Variants in ZCCHC7 observed in about 807,000 individuals in gnomAD.
ZCCHC7 encodes the protein zinc finger CCHC domain-containing protein 7.
ZCCHC7 carries 35 observed loss-of-function variants against 52.0 expected under a neutral mutation model. That is an observed-to-expected ratio of 0.67 (90% CI 0.51 to 0.89). The LOEUF (loss-of-function observed/expected upper bound fraction) is 0.89. Among genes scored for constraint, ZCCHC7 ranks in the 40% least tolerant of loss-of-function variants. The pLI is 0.00. For missense variants in ZCCHC7, 574 were observed against 649.1 expected (o/e 0.88, Z 1.26); for synonymous variants, 217 against 221.5 (o/e 0.98, Z 0.18).
intron 2 of ZCCHC7, among the ~76,000 whole-genome samples, chr9:37,135,001 A>G (rs1012929966): frequency 5.9e-5 from 9 of 152,220 alleles, no homozygotes; most frequent in African/African-American, 2.2e-4. Context: ...TGCTAGGATT[A>G]CAGGCATGAG....
At chr9:37,125,213 G>C (rs961832579) in intron 1 of ZCCHC7, among the ~76,000 whole-genome samples, 1 of 152,156 alleles carries the variant, frequency 6.6e-6, no homozygotes, top group Non-Finnish European at 1.5e-5. Context: ...ACAATGGTAT[G>C]AGCATAGCTC....
At chr9:37,193,713 GTT>G (rs1485483680) in intron 2 of ZCCHC7, among the ~76,000 whole-genome samples, 1 of 152,104 alleles carries the variant, frequency 6.6e-6, no homozygotes, top group Non-Finnish European at 1.5e-5. Context: ...AATTAATGCA[GTT>G]TATATGCAGT....
chr9:37,296,731 T>G (rs1255280334), intron 2 of ZCCHC7, among the ~76,000 whole-genome samples: 1 of 152,214 alleles, frequency 6.6e-6, no homozygotes, highest in Non-Finnish European at 1.5e-5. Flanking sequence ...AAGGTTGTCA[T>G]GCGCTGTCAT....
intron 2 of ZCCHC7, among the ~76,000 whole-genome samples, chr9:37,137,940 ATACT>A (rs1843067337): frequency 6.6e-6 from 1 of 152,140 alleles, no homozygotes; most frequent in Non-Finnish European, 1.5e-5. Flanking sequence ...GCCATGTGAC[ATACT>A]TCTCATTAAT....
chr9:37,288,626 C>T (rs1452224405), intron 2 of ZCCHC7, among the ~76,000 whole-genome samples: 1 of 152,156 alleles, frequency 6.6e-6, no homozygotes, highest in Non-Finnish European at 1.5e-5. Flanking sequence ...CCAAACTTCT[C>T]TTAATAGGAT....
intron 6 of ZCCHC7, among the ~76,000 whole-genome samples, chr9:37,338,533 A>G (rs1782597363): frequency 6.6e-6 from 1 of 152,158 alleles, no homozygotes; most frequent in African/African-American, 2.4e-5. Flanking sequence ...ATTTCAGTGT[A>G]TCCAAAAGAG....
chr9:37,278,283 A>G (rs895061687), intron 2 of ZCCHC7, among the ~76,000 whole-genome samples: 4 of 152,192 alleles, frequency 2.6e-5, no homozygotes, highest in Admixed American at 6.5e-5. Flanking sequence ...AAAATGGCAT[A>G]CAATAAAATA....
intron 6 of ZCCHC7, among the ~76,000 whole-genome samples, chr9:37,342,683 G>C (rs1433884170): frequency 6.6e-6 from 1 of 152,156 alleles, no homozygotes; most frequent in Non-Finnish European, 1.5e-5. Context: ...TGATCACCTG[G>C]TCAGGTTTTA....
intron 2 of ZCCHC7, among the ~76,000 whole-genome samples, chr9:37,290,636 A>C (rs2133625694): frequency 6.6e-6 from 1 of 152,228 alleles, no homozygotes; most frequent in Non-Finnish European, 1.5e-5. Flanking sequence ...CTCCAGCCAG[A>C]GCGACAGAGT....
intron 2 of ZCCHC7, among the ~76,000 whole-genome samples, chr9:37,267,386 C>T (rs1189043856): frequency 1.3e-5 from 2 of 151,818 alleles, no homozygotes; most frequent in Non-Finnish European, 2.9e-5. Context: ...ATCTCTGTCT[C>T]CCATTTGGTG....
Position 37,191,528 on chromosome 9 carries a change from T to C in ZCCHC7, c.610+64586T>C, listed in dbSNP as rs542296534. ...ACTAAAATGGTGGATAGGATTTATG[T>C]AGGGGTGCTGCTCTGAGAGTTTGAA... On this transcript the variant is annotated intron_variant, in intron 2 of 8. Coordinates refer to ENST00000336755, the MANE Select transcript of ZCCHC7 (RefSeq NM_032226.3). Among the ~76,000 whole-genome samples the C allele has an allele frequency of 2.0e-5, 3 of 152,328 alleles. No homozygotes were observed. In the East Asian group the frequency reaches 5.8e-4, roughly 29 times the overall value.
Position 37,339,832 on chromosome 9 carries a change from A to G in ZCCHC7, c.988-9525A>G, listed in dbSNP as rs542357804. Among the ~76,000 whole-genome samples, 228 of 152,342 alleles carry G rather than the reference A, an allele frequency of 1.5e-3. 1 individual carries two copies. The highest frequency in any genetic ancestry group is 2.6e-3 in the Non-Finnish European group (176 of 68,026). ...AAATACCCTTTAATTAGTGAAATTGATTACATATCGTATATAGTAATGAGC... is the reference window on the plus strand; with the variant it reads ...AAATACCCTTTAATTAGTGAAATTGGTTACATATCGTATATAGTAATGAGC... On this transcript the variant is annotated intron_variant, in intron 6 of 8. Coordinates refer to ENST00000336755, the MANE Select transcript of ZCCHC7 (RefSeq NM_032226.3).
intron 2 of ZCCHC7, among the ~76,000 whole-genome samples, chr9:37,190,990 C>T (rs2133104006): frequency 6.6e-6 from 1 of 151,644 alleles, no homozygotes; most frequent in African/African-American, 2.4e-5. Context: ...CCATTGCACT[C>T]CAGCCTGGGC....
intron 6 of ZCCHC7, among the ~76,000 whole-genome samples, chr9:37,344,120 C>T (rs1007314365): frequency 6.6e-6 from 1 of 152,094 alleles, no homozygotes; most frequent in Admixed American, 6.5e-5. Flanking sequence ...CGAGACCAGC[C>T]TCAGCAGCAT....
At chr9:37,286,166 T>C (rs1013285263) in intron 2 of ZCCHC7, among the ~76,000 whole-genome samples, 2 of 152,200 alleles carry the variant, frequency 1.3e-5, no homozygotes, top group Non-Finnish European at 2.9e-5. Context: ...AATAAAATAA[T>C]TTAGGGAGAT....
intron 2 of ZCCHC7, among the ~76,000 whole-genome samples, chr9:37,133,035 G>A (rs1842857874): frequency 1.3e-5 from 2 of 152,222 alleles, no homozygotes; most frequent in Admixed American, 1.3e-4. Context: ...CTCAGAGGCT[G>A]AGGCAGGAGA....
At chr9:37,247,120 T>G (rs527337455) in intron 2 of ZCCHC7, among the ~76,000 whole-genome samples, 1 of 152,330 alleles carries the variant, frequency 6.6e-6, no homozygotes, top group East Asian at 1.9e-4. Context: ...ACCATTTTAT[T>G]CTCTACTTCT....
At chr9:37,143,744 T>C (rs1032000688) in intron 2 of ZCCHC7, among the ~76,000 whole-genome samples, 8 of 151,856 alleles carry the variant, frequency 5.3e-5, no homozygotes, top group Non-Finnish European at 1.2e-4. Flanking sequence ...ACTCTTATTT[T>C]TATCCTAAAT....
At chr9:37,176,468 A>G (rs1822037613) in intron 2 of ZCCHC7, among the ~76,000 whole-genome samples, 1 of 152,162 alleles carries the variant, frequency 6.6e-6, no homozygotes, top group South Asian at 2.1e-4. Context: ...TCCCACATTT[A>G]AAAGAACATT....
Sources: gnomAD v4.1 joint callset for allele counts (sites outside exome capture counted in the v4.1 genomes callset) on GRCh38, gnomAD v4.1.1 for gene constraint, MANE v1.5 for transcripts, NCBI Gene and HGNC (gene_info 2026-07-23, HGNC 2026-07-21) for gene names.